The following IQCJ variants were observed in gnomAD, a reference collection of about 807,000 sequenced individuals.
IQCJ encodes IQ motif containing J.
In IQCJ, 9 loss-of-function variants were observed where a neutral mutation model predicts 11.0. The ratio of observed to expected loss-of-function variants is 0.82; its 90% CI spans 0.49 to 1.43. The LOEUF (loss-of-function observed/expected upper bound fraction) is 1.43. Among genes scored for constraint, IQCJ ranks in the 40% most tolerant of loss-of-function variants. The probability of loss-of-function intolerance (pLI) is 0.00; values close to 1 mark genes in which losing one functional copy is unlikely to be tolerated. For synonymous variants in IQCJ, 55 were observed against 51.3 expected, an observed-to-expected ratio of 1.07 and a Z score of -0.31; for missense variants, 146 against 133.2, an observed-to-expected ratio of 1.10 and a Z score of -0.47.
At chr3:159,175,110 C>A (rs1342355113) in intron 1 of IQCJ, among the ~76,000 whole-genome samples, 1 of 152,144 alleles carries the variant, frequency 6.6e-6, no homozygotes. Flanking sequence ...ATAAAATTCA[C>A]TAATTTTAAT....
intron 1 of IQCJ, among the ~76,000 whole-genome samples, chr3:159,115,929 G>A (rs1718965520): frequency 6.6e-6 from 1 of 152,158 alleles, no homozygotes; most frequent in Non-Finnish European, 1.5e-5. Flanking sequence ...AGGGATGGGA[G>A]GGCTAGGGGA....
At chr3:159,132,011 A>G (rs989965949) in intron 1 of IQCJ, among the ~76,000 whole-genome samples, 1 of 152,120 alleles carries the variant, frequency 6.6e-6, no homozygotes, top group Admixed American at 6.6e-5. Flanking sequence ...TTATGCTGCC[A>G]TGAATTTGCC....
At chr3:159,132,234 GT>G (rs1720033109) in intron 1 of IQCJ, among the ~76,000 whole-genome samples, 1 of 152,158 alleles carries the variant, frequency 6.6e-6, no homozygotes, top group Non-Finnish European at 1.5e-5. Flanking sequence ...TTACCTTGGG[GT>G]TGTCTCCTTC....
chr3:159,086,064 C>T (rs1225754127), intron 1 of IQCJ, among the ~76,000 whole-genome samples: 6 of 152,048 alleles, frequency 3.9e-5, no homozygotes, highest in East Asian at 1.9e-4. Flanking sequence ...AACATTTAAG[C>T]CTTTAATCCA....
chr3:159,210,931 CA>C (rs78996452), intron 1 of IQCJ, among the ~76,000 whole-genome samples: 24,951 of 152,186 alleles, frequency 0.16, 2,642 homozygotes, highest in South Asian at 0.36. Flanking sequence ...CTCTACCTCC[CA>C]AGTTGCTGGG....
At chr3:159,135,089 T>C (rs1487667453) in intron 1 of IQCJ, among the ~76,000 whole-genome samples, 1 of 152,202 alleles carries the variant, frequency 6.6e-6, no homozygotes, top group Non-Finnish European at 1.5e-5. Context: ...TGAAGCCAGT[T>C]GGACTCATGT....
chr3:159,253,483 A>G (rs1238605821), intron 3 of IQCJ, among the ~76,000 whole-genome samples: 1 of 152,138 alleles, frequency 6.6e-6, no homozygotes, highest in Non-Finnish European at 1.5e-5. Context: ...ATTACCTTGG[A>G]AGCAATTTCA....
intron 1 of IQCJ, among the ~76,000 whole-genome samples, chr3:159,161,510 T>G (rs376787404): frequency 1.3e-5 from 2 of 152,176 alleles, no homozygotes; most frequent in African/African-American, 4.8e-5. Flanking sequence ...AGTTTCTTTT[T>G]CTGTGCAGAA....
chr3:159,228,016 A>G (rs1725962493), intron 1 of IQCJ, among the ~76,000 whole-genome samples: 1 of 152,228 alleles, frequency 6.6e-6, no homozygotes, highest in Admixed American at 6.5e-5. Flanking sequence ...TTAGCACCAC[A>G]ATTCTAGGCA....
chr3:159,158,447 G>C (rs1331450896), intron 1 of IQCJ, among the ~76,000 whole-genome samples: 1 of 152,150 alleles, frequency 6.6e-6, no homozygotes, highest in Non-Finnish European at 1.5e-5. Flanking sequence ...TTCCTTCCCT[G>C]GTGGTTGATT....
chr3:159,092,699 AACACACACAC>A (rs57083405), intron 1 of IQCJ, among the ~76,000 whole-genome samples: 5 of 141,594 alleles, frequency 3.5e-5, no homozygotes, highest in Admixed American at 7.0e-5. Context: ...CTCCATCACA[AACACACACAC>A]ACACACACAC....
Position 159,252,775 on chromosome 3 carries a change from CA to C in IQCJ, c.125del (p.Asn42IlefsTer9), listed in dbSNP as rs1356840814. 2.5e-6 allele frequency: 4 copies of C among 1,612,448 alleles called. No homozygotes were observed. Among genetic ancestry groups the C allele is most frequent in the African/African-American group, 1.3e-5 (1 of 74,838 alleles). On this transcript the variant is annotated frameshift_variant, in exon 3 of 4. Transcript: ENST00000397832. LOFTEE classifies it high-confidence loss of function. ...AGAATAATATTGAAAAGTATCCCCTCAATCTACAGCCCTTGGAATCAAAGGT... is the reference window on the plus strand; with the variant it reads ...AGAATAATATTGAAAAGTATCCCCTCATCTACAGCCCTTGGAATCAAAGGT... ...AENNIEKYPL[N>X]LQPLESKVKI...
chr3:159,128,991 T>TCTTATCCACTGCTAAAAA (rs1213409517), intron 1 of IQCJ, among the ~76,000 whole-genome samples: 3 of 152,156 alleles, frequency 2.0e-5, no homozygotes, highest in Non-Finnish European at 2.9e-5. Context: ...TTTGCTAAAA[T>TCTTATCCACTGCTAAAAA]CTTATCCACT....
At chr3:159,215,947 A>T (rs1725201288) in intron 1 of IQCJ, among the ~76,000 whole-genome samples, 1 of 152,090 alleles carries the variant, frequency 6.6e-6, no homozygotes, top group South Asian at 2.1e-4. Context: ...AGGGCCTAGA[A>T]CTACTTACAT....
chr3:159,069,560 T>C, intron 1 of IQCJ, 119 bp downstream of exon 1: 2 of 1,406,288 alleles, frequency 1.4e-6, no homozygotes, highest in Non-Finnish European at 9.5e-7. Flanking sequence ...AAAAAGAGCT[T>C]ATAGAACAGT....
At chr3:159,256,154 A>G (rs1340596064) in intron 3 of IQCJ, among the ~76,000 whole-genome samples, 2 of 152,324 alleles carry the variant, frequency 1.3e-5, no homozygotes, top group South Asian at 4.1e-4. Flanking sequence ...TTCATTAGCT[A>G]TGTGCGATCC....
At chr3:159,163,734 C>A (rs141809024) in intron 1 of IQCJ, among the ~76,000 whole-genome samples, 1 of 152,250 alleles carries the variant, frequency 6.6e-6, no homozygotes, top group Non-Finnish European at 1.5e-5. Flanking sequence ...TTATCTCTCC[C>A]CTTTTACAGG....
intron 1 of IQCJ, among the ~76,000 whole-genome samples, chr3:159,209,464 G>T (rs993177090): frequency 6.6e-6 from 1 of 152,110 alleles, no homozygotes; most frequent in African/African-American, 2.4e-5. Context: ...GGATGGCTGA[G>T]AAGCTGGAGG....
intron 1 of IQCJ, among the ~76,000 whole-genome samples, chr3:159,107,711 T>C (rs1718351041): frequency 6.6e-6 from 1 of 152,170 alleles, no homozygotes; most frequent in South Asian, 2.1e-4. Context: ...CTAAGTTCAG[T>C]TGGTACTCCA....
Sources: allele counts gnomAD v4.1 joint callset (sites outside exome capture counted in the v4.1 genomes callset), GRCh38; gene constraint gnomAD v4.1.1; transcripts MANE v1.5; gene names NCBI Gene and HGNC (gene_info 2026-07-23, HGNC 2026-07-21).